The following SLC44A3 variants were observed in gnomAD, a reference collection of about 807,000 sequenced individuals.
The protein encoded by SLC44A3 is solute carrier family 44 member 3.
In SLC44A3, 74 loss-of-function variants were observed where a neutral mutation model predicts 75.4. The ratio of observed to expected loss-of-function variants is 0.98; its 90% CI spans 0.81 to 1.19. The LOEUF is 1.19. Ranked by LOEUF, SLC44A3 falls within the 50% of genes most tolerant of loss-of-function variation. The pLI is 0.00. For synonymous variants in SLC44A3, 310 were observed against 296.9 expected (o/e 1.04, Z -0.45); for missense variants, 700 against 778.6 (o/e 0.90, Z 1.20).
intron 12 of SLC44A3, among the ~76,000 whole-genome samples, chr1:94,875,235 G>A (rs1668153759): frequency 6.6e-6 from 1 of 152,174 alleles, no homozygotes; most frequent in Non-Finnish European, 1.5e-5. Flanking sequence ...AGAGGCATTA[G>A]CCTAAAGGAA....
rs543227307 is a variant in SLC44A3, at chr1:94,841,871, G to A, written c.761-129G>A. The A allele has an allele frequency of 8.7e-6, 11 of 1,270,346 alleles. No individual in the cohort carries two copies. In the Admixed American group the frequency reaches 1.1e-4, roughly 12 times the overall value. The allele number at this position is 1,270,346 out of a possible 1,614,324, so 78.7% of individuals were successfully genotyped here. ...AGTTGCTTGTAGGGTCCGGGTATTTGGGACCCACTGCCAGAGCAGTGCCAC... is the reference window on the plus strand; with the variant it reads ...AGTTGCTTGTAGGGTCCGGGTATTTAGGACCCACTGCCAGAGCAGTGCCAC... On this transcript the variant is annotated intron_variant, in intron 7 of 14. Transcript: ENST00000271227.
intron 10 of SLC44A3, among the ~76,000 whole-genome samples, chr1:94,858,746 T>C (rs859102): frequency 0.93 from 141,028 of 152,138 alleles, 66,261 homozygotes; most frequent in East Asian, 1. Flanking sequence ...GGCTGGAGTG[T>C]AGCGGCACGA....
Position 94,867,437 on chromosome 1 carries a change from C to G in SLC44A3, c.1482+20C>G. The G allele has an allele frequency of 6.3e-7, 1 of 1,587,684 alleles. No individual in the cohort carries two copies. The highest frequency in any genetic ancestry group is 2.3e-5 in the East Asian group (1 of 43,886). ...AACCAGGTACGTCTCTACCTCTTGC[C>G]TCAGGAACACACAGAAGGGTCCAAA... On this transcript the variant is annotated intron_variant, in intron 12 of 14. Coordinates refer to ENST00000271227, the MANE Select transcript of SLC44A3 (RefSeq NM_001114106.3).
At chr1:94,870,974 C>T (rs1280194046) in intron 12 of SLC44A3, among the ~76,000 whole-genome samples, 2 of 152,208 alleles carry the variant, frequency 1.3e-5, no homozygotes, top group African/African-American at 2.4e-5. Context: ...AGCCACCATT[C>T]GTGGCCAGTT....
At chr1:94,856,279 C>T (rs911345396) in intron 9 of SLC44A3, among the ~76,000 whole-genome samples, 1 of 152,108 alleles carries the variant, frequency 6.6e-6, no homozygotes, top group Non-Finnish European at 1.5e-5. Flanking sequence ...AAAATACCAC[C>T]AGGAAATAGG....
At chr1:94,828,469 A>C in intron 4 of SLC44A3, 24 bp from the exon 5 acceptor site, 4 of 1,598,034 alleles carry the variant, frequency 2.5e-6, no homozygotes, top group Non-Finnish European at 3.4e-6. Context: ...AAGAAGGTAT[A>C]ATGTCTGTGT....
chr1:94,877,632 G>A (rs139034799), intron 12 of SLC44A3, among the ~76,000 whole-genome samples: 20 of 152,182 alleles, frequency 1.3e-4, no homozygotes, highest in African/African-American at 3.6e-4. Context: ...AAGAGGAAGC[G>A]GCTAAGAGAA....
At chr1:94,842,341 A>G (rs1287212104) in intron 8 of SLC44A3, among the ~76,000 whole-genome samples, 1 of 152,244 alleles carries the variant, frequency 6.6e-6, no homozygotes, top group Non-Finnish European at 1.5e-5. Context: ...GCCACCTCCC[A>G]GAGACTACTG....
chr1:94,823,961 A>G (rs886545334), intron 2 of SLC44A3, among the ~76,000 whole-genome samples: 3 of 152,192 alleles, frequency 2.0e-5, no homozygotes, highest in Non-Finnish European at 4.4e-5. Flanking sequence ...GTGGTCCTTT[A>G]TTTTGTATGT....
intron 12 of SLC44A3, among the ~76,000 whole-genome samples, chr1:94,868,986 C>A (rs911151339): frequency 2.6e-5 from 4 of 152,252 alleles, no homozygotes; most frequent in African/African-American, 9.6e-5. Flanking sequence ...GCCCTGGCCC[C>A]ATATACCATG....
chr1:94,883,267 A>G (rs1336878703), intron 12 of SLC44A3, among the ~76,000 whole-genome samples: 1 of 152,090 alleles, frequency 6.6e-6, no homozygotes, highest in Non-Finnish European at 1.5e-5. Context: ...TTGGGAGGTC[A>G]AGTTAGGCAG....
intron 7 of SLC44A3, 49 bp from the exon 8 acceptor site, chr1:94,841,951 G>A (rs201020318): frequency 3.9e-6 from 6 of 1,557,628 alleles, no homozygotes; most frequent in Middle Eastern, 1.7e-4. Flanking sequence ...CTGGGGAAAG[G>A]TTACCTCATG....
At chr1:94,835,197 C>G (rs1236154005) in intron 5 of SLC44A3, among the ~76,000 whole-genome samples, 1 of 152,150 alleles carries the variant, frequency 6.6e-6, no homozygotes, top group Non-Finnish European at 1.5e-5. Flanking sequence ...CACCTGTAAT[C>G]CCAACACTTT....
intron 2 of SLC44A3, 63 bp downstream of exon 2, chr1:94,821,119 GTCCCAAATGTAAA>G (rs11274910): frequency 0.61 from 820,847 of 1,336,048 alleles, 253,541 homozygotes; most frequent in South Asian, 0.68. Context: ...AAATAACTCT[GTCCCAAATGTAAA>G]TCGTAGTTGG....
intron 12 of SLC44A3, among the ~76,000 whole-genome samples, chr1:94,888,337 G>A (rs1245646572): frequency 6.6e-6 from 1 of 152,188 alleles, no homozygotes; most frequent in African/African-American, 2.4e-5. Context: ...CAGGGGACCT[G>A]GGGGAAATGC....
intron 12 of SLC44A3, among the ~76,000 whole-genome samples, chr1:94,890,925 C>T (rs1670134268): frequency 6.6e-6 from 1 of 152,120 alleles, no homozygotes; most frequent in South Asian, 2.1e-4. Flanking sequence ...ACCATAAGTA[C>T]CTATTTATCT....
At chr1:94,884,197 G>A (rs1314826125) in intron 12 of SLC44A3, among the ~76,000 whole-genome samples, 1 of 152,216 alleles carries the variant, frequency 6.6e-6, no homozygotes, top group Non-Finnish European at 1.5e-5. Context: ...CCTGGCTGCA[G>A]CCCCAGGGGA....
At chr1:94,863,415 T>C (rs761037097) in intron 10 of SLC44A3, among the ~76,000 whole-genome samples, 11 of 152,192 alleles carry the variant, frequency 7.2e-5, no homozygotes, top group Non-Finnish European at 1.3e-4. Flanking sequence ...CTATGAATCA[T>C]GTGTTTCCCT....
rs533270574 is a variant in SLC44A3 at position 94,849,382 on chromosome 1, T to C, written c.1072+3918T>C. ...CCCACCCCGCTGGGGTCAGGCATCA[T>C]AGAAACCAAATCACCCGTCCCCTCC... is the stretch of plus-strand genomic sequence containing the variant. On this transcript the variant is annotated intron_variant, in intron 9 of 14. Coordinates refer to ENST00000271227, the MANE Select transcript of SLC44A3 (RefSeq NM_001114106.3). 4.6e-5 allele frequency among the ~76,000 whole-genome samples: 7 copies of C among 152,146 alleles called. No homozygotes were observed. The East Asian group carries it at 1.4e-3, about 30-fold the overall frequency.
Sources: gnomAD v4.1 joint callset for allele counts (sites outside exome capture counted in the v4.1 genomes callset) on GRCh38, gnomAD v4.1.1 for gene constraint, MANE v1.5 for transcripts, NCBI Gene and HGNC (gene_info 2026-07-23, HGNC 2026-07-21) for gene names.